SAMD9L: variants seen among roughly 807,000 people sequenced by gnomAD.
SAMD9L encodes sterile alpha motif domain-containing protein 9-like.
Under a neutral mutation model 90.7 loss-of-function variants are expected in SAMD9L, and 68 were observed. The observed-to-expected ratio is 0.75, with a 90% CI of 0.62 to 0.92. The LOEUF (loss-of-function observed/expected upper bound fraction) is 0.92, where lower values mean the gene tolerates loss of function less well. SAMD9L is among the 40% of genes least tolerant of loss of function. The pLI, the probability that SAMD9L is intolerant of heterozygous loss-of-function variation, is 0.00. For synonymous variants in SAMD9L, 640 were observed against 630.1 expected (o/e 1.02, Z -0.23); for missense variants, 1,604 against 1,824.3 (o/e 0.88, Z 2.20).
Position 93,134,742 on chromosome 7 carries a change from A to T in SAMD9L, c.1230T>A (p.Asp410Glu), listed in dbSNP as rs1792337182. The T allele has an allele frequency of 1.2e-6, 2 of 1,613,336 alleles. No individual in the cohort carries two copies. The highest frequency in any genetic ancestry group is 1.7e-6 in the Non-Finnish European group (2 of 1,179,936). Residue 410 changes from aspartate to glutamate, a missense_variant, in exon 5 of 5, where the codon GAT becomes GAA. By Grantham distance (45) the Asp-to-Glu change is conservative. Coordinates refer to ENST00000318238, the MANE Select transcript of SAMD9L (RefSeq NM_152703.5). ...KLLIGNRDSL[D>E]NSYYDWYILV... is the part of the protein sequence containing the mutation. ...GAATGTACCAGTCATAGTATGAATT[A>T]TCCAGTGAGTCTCGGTTTCCTATGA...
chr7:93,131,789 G>T lies in SAMD9L; in HGVS notation c.4183C>A (p.Pro1395Thr), dbSNP rs571871712. The change falls in exon 5 of 5, where the codon CCC becomes ACC. Residue 1395 changes from proline (P) to threonine (T), a missense_variant. Physicochemically the swap from Pro to Thr is conservative, Grantham distance 38. Coordinates refer to ENST00000318238, the MANE Select transcript of SAMD9L (RefSeq NM_152703.5). The stretch of plus-strand genomic sequence containing the variant: ...AGTGGTTGAATTAACTTGGAGTTGG[G>T]CTTTAGACAACTCAGAATAATGTTG... ...LANIILSCLK[P>T]NSKLIQPLTT... The T allele has an allele frequency of 1.9e-6, 3 of 1,613,448 alleles. No homozygotes were observed. In the Admixed American group the frequency reaches 5.0e-5, roughly 27 times the overall value.
intron 2 of SAMD9L, among the ~76,000 whole-genome samples, chr7:93,146,598 A>C (rs1214153804): frequency 6.6e-6 from 1 of 152,196 alleles, no homozygotes; most frequent in Non-Finnish European, 1.5e-5. Context: ...TTCTTAGAGT[A>C]GTTAAAAGTA....
Position 93,135,488 on chromosome 7 carries a change from T to A in SAMD9L, c.484A>T (p.Thr162Ser). 1.2e-6 allele frequency: 2 copies of A among 1,614,170 alleles called. No homozygotes were observed. Among genetic ancestry groups the A allele is most frequent in the Non-Finnish European group, 1.7e-6 (2 of 1,179,998 alleles). The change falls in exon 5 of 5, where the codon ACT becomes TCT. Residue 162 changes from threonine to serine, a missense_variant. By Grantham distance (58) the Thr-to-Ser change is moderately conservative. Around this residue, in one of 7 missense-constraint regions of SAMD9L, gnomAD observed 374 missense variants for 363.6 expected, o/e 1.03. Coordinates refer to ENST00000318238, the MANE Select transcript of SAMD9L (RefSeq NM_152703.5). ...TGATCAAAAGGATATGGCATACAAG[T>A]CAATTGTTCAGGTTTTAGCTTACCC... Reference protein sequence around the residue: ...KKGKLKPEQLTCMPYPFDQFH... With the variant: ...KKGKLKPEQLSCMPYPFDQFH...
chr7:93,145,692 A>G lies in SAMD9L; in HGVS notation c.-430T>C, dbSNP rs1273900965. On this transcript the variant is annotated 5_prime_UTR_variant, in exon 3 of 5. Coordinates refer to ENST00000318238, the MANE Select transcript of SAMD9L (RefSeq NM_152703.5). ...AAACAGATTTTCCCCCCAACTTTCT[A>G]CTATGAAAATGTTTGAACATACAGA... is the stretch of plus-strand genomic sequence containing the variant. 6.6e-6 allele frequency: 1 copy of G among 152,214 alleles called. No individual in the cohort carries two copies. The highest frequency in any genetic ancestry group is 1.5e-5 in the Non-Finnish European group (1 of 68,036). The allele number at this position is 152,214 out of a possible 1,614,324, so 9.4% of individuals were successfully genotyped here.
At chr7:93,142,611 T>G (rs1562802202) in intron 4 of SAMD9L, among the ~76,000 whole-genome samples, 1 of 152,356 alleles carries the variant, frequency 6.6e-6, no homozygotes, top group East Asian at 1.9e-4. Context: ...TCCTCAGGTT[T>G]TGGTGTCTCA....
Position 93,132,841 on chromosome 7 carries a change from C to A in SAMD9L, c.3131G>T (p.Arg1044Leu), listed in dbSNP as rs370894881. 4 of 1,613,744 alleles carry A rather than the reference C, an allele frequency of 2.5e-6. No homozygotes were observed. The highest frequency in any genetic ancestry group is 3.3e-5 in the Admixed American group (2 of 59,940). ...GTCTGTTTCATCTCCATACACCTTG[C>A]GCTGTCTTGTAAGCAGAAGAGTTTG... Reference protein sequence around the residue: ...DVQTLLLTRQRKVYGDETDTL... With the variant: ...DVQTLLLTRQLKVYGDETDTL... Residue 1044 changes from arginine (R) to leucine (L), a missense_variant, in exon 5 of 5, where the codon CGC (arginine) becomes CTC (leucine). Coordinates refer to ENST00000318238, the MANE Select transcript of SAMD9L (RefSeq NM_152703.5).
Position 93,131,253 on chromosome 7 carries a change from A to G in SAMD9L, c.4719T>C (p.Ile1573=), listed in dbSNP as rs780713098. ...CTATATCATATGCCAGAGGGCCTTCAATGGAAAATCCTAGGTAGAAAGACA... is the reference window on the plus strand; with the variant it reads ...CTATATCATATGCCAGAGGGCCTTCGATGGAAAATCCTAGGTAGAAAGACA... The part of the protein sequence containing the change: ...ERVSFYLGFS[I]EGPLAYDIEV... Residue 1573 remains isoleucine (I), a synonymous_variant, in exon 5 of 5, where the codon ATT becomes ATC. Transcript: ENST00000318238. 1 of 1,585,212 alleles carries G rather than the reference A, an allele frequency of 6.3e-7. No individual in the cohort carries two copies. Among genetic ancestry groups the G allele is most frequent in the Non-Finnish European group, 8.6e-7 (1 of 1,169,268 alleles).
intron 4 of SAMD9L, among the ~76,000 whole-genome samples, chr7:93,139,724 T>C (rs553047459): frequency 9.8e-4 from 149 of 152,286 alleles, no homozygotes; most frequent in African/African-American, 3.4e-3. Context: ...TTATGGCAGC[T>C]CTAGCCAATA....
At chr7:93,146,184 C>T (rs1234627682) in intron 2 of SAMD9L, 144 bp from the exon 3 acceptor site, 2 of 152,300 alleles carry the variant, frequency 1.3e-5, no homozygotes, top group Non-Finnish European at 2.9e-5. Flanking sequence ...GCCCAGTCCC[C>T]TGACCTCCTC....
intron 4 of SAMD9L, among the ~76,000 whole-genome samples, chr7:93,142,030 T>A (rs1329085416): frequency 6.6e-6 from 1 of 152,148 alleles, no homozygotes; most frequent in African/African-American, 2.4e-5. Flanking sequence ...ACACGAGGCC[T>A]TTGCACTACC....
intron 1 of SAMD9L, 74 bp downstream of exon 1, chr7:93,148,120 C>T (rs1014035321): frequency 1.3e-5 from 2 of 152,124 alleles, no homozygotes; most frequent in African/African-American, 4.8e-5. Context: ...ATAAAAAGTA[C>T]AGCTGAAGTT....
chr7:93,133,809 T>G lies in SAMD9L; in HGVS notation c.2163A>C (p.Leu721Phe). 6.2e-7 allele frequency: 1 copy of G among 1,613,670 alleles called. No homozygotes were observed. The highest frequency in any genetic ancestry group is 8.5e-7 in the Non-Finnish European group (1 of 1,179,834). ...KRDSYEKLKD[L>F]IHCWAESPKP... ...TAGGAGACTCTGCCCAGCAGTGTAT[T>G]AAATCTTTAAGCTTTTCATAACTGT... Residue 721 changes from leucine (L) to phenylalanine (F), a missense_variant, in exon 5 of 5, where the codon TTA becomes TTC. Physicochemically the swap from Leu to Phe is conservative, Grantham distance 22. Coordinates refer to ENST00000318238, the MANE Select transcript of SAMD9L (RefSeq NM_152703.5).
chr7:93,140,913 CA>C (rs552031044), intron 4 of SAMD9L, among the ~76,000 whole-genome samples: 277 of 152,284 alleles, frequency 1.8e-3, no homozygotes, highest in African/African-American at 5.1e-3. Flanking sequence ...TCATGTTAAG[CA>C]AGACTCTTTG....
At chr7:93,139,883 T>C (rs1205333764) in intron 4 of SAMD9L, among the ~76,000 whole-genome samples, 4 of 152,234 alleles carry the variant, frequency 2.6e-5, no homozygotes, top group African/African-American at 9.6e-5. Flanking sequence ...GATCTATTGA[T>C]TCTACTACTG....
rs1792032146 is a variant in SAMD9L at position 93,130,313 on chromosome 7, T to C, written c.*904A>G. ...GTCAAGGAAGACTTCCTGGTGAAGG[T>C]GACTCTTGAAATCAGTTGTGAATGA... On this transcript the variant is annotated 3_prime_UTR_variant, in exon 5 of 5. Transcript: ENST00000318238. The C allele has an allele frequency of 6.6e-6, 1 of 152,072 alleles. No homozygotes were observed. The highest frequency in any genetic ancestry group is 1.5e-5 in the Non-Finnish European group (1 of 68,010). The allele number at this position is 152,072 out of a possible 1,614,324, so 9.4% of individuals were successfully genotyped here.
intron 2 of SAMD9L, among the ~76,000 whole-genome samples, chr7:93,146,357 A>G (rs1562805244): frequency 6.6e-6 from 1 of 152,160 alleles, no homozygotes; most frequent in Non-Finnish European, 1.5e-5. Context: ...AGCCTACTGA[A>G]AACTTTATCC....
At position 93,135,507 on chromosome 7, in the gene SAMD9L, C is replaced by T; in HGVS notation, c.465G>A (p.Lys155=). 1 of 1,614,136 alleles carries T rather than the reference C, an allele frequency of 6.2e-7. No homozygotes were observed. The highest frequency in any genetic ancestry group is 1.3e-5 in the African/African-American group (1 of 75,060). The stretch of plus-strand genomic sequence containing the variant: ...TACAAGTCAATTGTTCAGGTTTTAG[C>T]TTACCCTTTTTCTTGTGTTTAGCAT... ...VANAKHKKKG[K]LKPEQLTCMP... Residue 155 remains lysine, a synonymous_variant, in exon 5 of 5, where the codon AAG becomes AAA. Coordinates refer to ENST00000318238, the MANE Select transcript of SAMD9L (RefSeq NM_152703.5).
rs1179342886 is a variant in SAMD9L at position 93,135,923 on chromosome 7, C to G, written c.49G>C (p.Glu17Gln). 1 of 1,610,880 alleles carries G rather than the reference C, an allele frequency of 6.2e-7. No individual in the cohort carries two copies. Among genetic ancestry groups the G allele is most frequent in the Non-Finnish European group, 8.5e-7 (1 of 1,179,002 alleles). ...TCATTTACCCATTTTTTCACATGCT[C>G]TTTGGTCCAGTCTTTAATCATTTCA... The part of the protein sequence containing the change: ...LPEMIKDWTK[E>Q]HVKKWVNEDL... Residue 17 changes from glutamate to glutamine, a missense_variant, in exon 5 of 5, where the codon GAG (glutamate) becomes CAG (glutamine). Around this residue, in one of 7 missense-constraint regions of SAMD9L, gnomAD observed 24 missense variants for 41.8 expected, o/e 0.57. Coordinates refer to ENST00000318238, the MANE Select transcript of SAMD9L (RefSeq NM_152703.5).
rs1792147030 is a variant in SAMD9L at position 93,132,215 on chromosome 7, A to G, written c.3757T>C (p.Phe1253Leu). The G allele has an allele frequency of 6.2e-7, 1 of 1,613,728 alleles. No homozygotes were observed. The highest frequency in any genetic ancestry group is 1.3e-5 in the African/African-American group (1 of 74,922). Residue 1253 changes from phenylalanine to leucine, a missense_variant, in exon 5 of 5, where the codon TTC becomes CTC. Phe to Leu is a conservative substitution (Grantham distance 22). Transcript: ENST00000318238. Reference protein sequence around the residue: ...RNECYLALSKFTSHLKNLQSD... With the variant: ...RNECYLALSKLTSHLKNLQSD... The stretch of plus-strand genomic sequence containing the variant: ...TGTAAATTTTTTAGGTGGGATGTGA[A>G]CTTGCTAAGAGCCAAATAACATTCA...
Sources: allele counts gnomAD v4.1 joint callset (sites outside exome capture counted in the v4.1 genomes callset), GRCh38; gene constraint gnomAD v4.1.1; regional missense constraint gnomAD v4.1.1; transcripts MANE v1.5; gene names NCBI Gene and HGNC (gene_info 2026-07-23, HGNC 2026-07-21).